Variants in RASGRF2 observed in about 807,000 individuals in gnomAD.
RASGRF2 encodes the protein Ras protein specific guanine nucleotide releasing factor 2.
Under a neutral mutation model 151.0 loss-of-function variants are expected in RASGRF2, and 76 were observed. The observed-to-expected ratio is 0.50, with a 90% CI of 0.42 to 0.61. RASGRF2 has a LOEUF of 0.61. Ranked by LOEUF, RASGRF2 falls within the 20% of genes least tolerant of loss-of-function variation. The pLI is 0.00. For missense variants in RASGRF2, 1,148 were observed against 1,564.6 expected, an observed-to-expected ratio of 0.73 and a Z score of 4.49; for synonymous variants, 504 against 566.5, an observed-to-expected ratio of 0.89 and a Z score of 1.57.
chr5:81,106,023 G>A (rs1452642435), intron 12 of RASGRF2, among the ~76,000 whole-genome samples: 2 of 152,202 alleles, frequency 1.3e-5, no homozygotes, highest in Non-Finnish European at 2.9e-5. Context: ...CAGCCATTTA[G>A]TAAAATCCCA....
chr5:81,115,393 T>C (rs886600445), intron 15 of RASGRF2, among the ~76,000 whole-genome samples: 4 of 152,152 alleles, frequency 2.6e-5, no homozygotes, highest in Admixed American at 6.5e-5. Context: ...TCAGGAATAA[T>C]GAGGCAGCGC....
chr5:81,057,746 G>A (rs1341169045), intron 2 of RASGRF2, among the ~76,000 whole-genome samples: 1 of 151,988 alleles, frequency 6.6e-6, no homozygotes, highest in African/African-American at 2.4e-5. Context: ...TATAATCCAA[G>A]CACTTTGGGA....
chr5:81,061,904 G>C (rs1256367909), intron 2 of RASGRF2, among the ~76,000 whole-genome samples: 1 of 148,278 alleles, frequency 6.7e-6, no homozygotes, highest in Non-Finnish European at 1.5e-5. Flanking sequence ...GCCCAGGCTG[G>C]TCTCAAACTC....
chr5:81,086,826 G>C lies in RASGRF2; in HGVS notation c.1272-9G>C. The C allele has an allele frequency of 6.3e-7, 1 of 1,588,550 alleles. No homozygotes were observed. On this transcript the variant is annotated splice_polypyrimidine_tract_variant and intron_variant, in intron 8 of 26. Transcript: ENST00000265080. The stretch of plus-strand genomic sequence containing the variant: ...CTCTTACTGTGATCCTGTCTGTGTT[G>C]TGTCACAGAGTAATGCACGATGAAG...
At chr5:81,035,908 A>G (rs1031921896) in intron 1 of RASGRF2, among the ~76,000 whole-genome samples, 1 of 152,212 alleles carries the variant, frequency 6.6e-6, no homozygotes, top group Non-Finnish European at 1.5e-5. Context: ...TCAAGAAGCT[A>G]GAACCGCAGA....
chr5:81,007,328 A>G (rs996496816), intron 1 of RASGRF2, among the ~76,000 whole-genome samples: 2 of 151,942 alleles, frequency 1.3e-5, no homozygotes, highest in African/African-American at 2.4e-5. Flanking sequence ...CTTTTTGCCT[A>G]CTTTCTGGTT....
intron 3 of RASGRF2, among the ~76,000 whole-genome samples, chr5:81,068,638 A>G (rs1198090746): frequency 2.0e-5 from 3 of 152,154 alleles, no homozygotes; most frequent in African/African-American, 7.2e-5. Context: ...ACAGTTTTGA[A>G]AAGAACATTT....
chr5:81,224,709 G>A (rs1279423086), intron 26 of RASGRF2, among the ~76,000 whole-genome samples: 1 of 152,222 alleles, frequency 6.6e-6, no homozygotes, highest in African/African-American at 2.4e-5. Flanking sequence ...AGCCATGAGA[G>A]GGAGCAGACT....
chr5:81,058,090 A>C (rs1751288412), intron 2 of RASGRF2, among the ~76,000 whole-genome samples: 1 of 152,120 alleles, frequency 6.6e-6, no homozygotes, highest in South Asian at 2.1e-4. Flanking sequence ...TATAAATATT[A>C]CACACTAATA....
chr5:81,069,225 G>T (rs1468957501), intron 3 of RASGRF2, among the ~76,000 whole-genome samples: 4 of 152,208 alleles, frequency 2.6e-5, no homozygotes, highest in Non-Finnish European at 5.9e-5. Flanking sequence ...GAGAGTATGG[G>T]TACAAGCGTC....
intron 12 of RASGRF2, among the ~76,000 whole-genome samples, chr5:81,106,166 G>GA (rs1752840167): frequency 6.6e-6 from 1 of 152,084 alleles, no homozygotes; most frequent in Non-Finnish European, 1.5e-5. Context: ...ATTTGCATCA[G>GA]AAAATTTAAA....
rs1359184459 is a variant in RASGRF2, at chr5:80,973,690, T to G, written c.288+12664T>G. On this transcript the variant is annotated intron_variant, in intron 1 of 26. Coordinates refer to ENST00000265080, the MANE Select transcript of RASGRF2 (RefSeq NM_006909.3). Reference sequence around the variant, plus strand: ...TTTTCAAAACAGGTCTCTATGATACTCCATAATCACCTCGCTCCCATTTTG... The same window carrying G: ...TTTTCAAAACAGGTCTCTATGATACGCCATAATCACCTCGCTCCCATTTTG... Among the ~76,000 whole-genome samples, 5 of 152,182 alleles carry G rather than the reference T, an allele frequency of 3.3e-5. No individual in the cohort carries two copies. In the South Asian group the frequency reaches 1.0e-3, roughly 31 times the overall value.
intron 23 of RASGRF2, among the ~76,000 whole-genome samples, chr5:81,213,876 C>A (rs1033606445): frequency 4.6e-5 from 7 of 152,090 alleles, no homozygotes; most frequent in African/African-American, 1.7e-4. Context: ...AACAAAAAAA[C>A]AAACTTTTGT....
At chr5:81,016,649 G>C (rs777687400) in intron 1 of RASGRF2, among the ~76,000 whole-genome samples, 13 of 151,894 alleles carry the variant, frequency 8.6e-5, no homozygotes, top group Admixed American at 3.3e-4. Flanking sequence ...GTATTTAATA[G>C]AATAATATAT....
chr5:81,008,043 G>C (rs571973877), intron 1 of RASGRF2, among the ~76,000 whole-genome samples: 21 of 151,054 alleles, frequency 1.4e-4, no homozygotes, highest in Non-Finnish European at 2.9e-4. Flanking sequence ...AAATTGCACT[G>C]TCTCGTCTGA....
chr5:81,088,240 T>C (rs1208682087), intron 9 of RASGRF2: 14 of 152,306 alleles, frequency 9.2e-5, no homozygotes, highest in Admixed American at 9.2e-4. Flanking sequence ...GGAATGTCCT[T>C]ATCCATTTCT....
intron 1 of RASGRF2, among the ~76,000 whole-genome samples, chr5:81,013,487 A>G (rs1268123695): frequency 6.6e-6 from 1 of 152,098 alleles, no homozygotes; most frequent in Non-Finnish European, 1.5e-5. Flanking sequence ...CCTCATGCGA[A>G]AAGCTATATA....
intron 1 of RASGRF2, among the ~76,000 whole-genome samples, chr5:81,041,998 T>C (rs755348293): frequency 3.3e-5 from 5 of 152,338 alleles, no homozygotes; most frequent in Non-Finnish European, 7.3e-5. Flanking sequence ...TGCTCCATGT[T>C]ATTGTTTTTA....
At chr5:81,046,451 A>T (rs1013958138) in intron 2 of RASGRF2, among the ~76,000 whole-genome samples, 10 of 152,106 alleles carry the variant, frequency 6.6e-5, no homozygotes, top group African/African-American at 2.4e-4. Flanking sequence ...CAAGAAGCTC[A>T]TTTTAATGTT....
Sources: gnomAD v4.1 joint callset for allele counts (sites outside exome capture counted in the v4.1 genomes callset) on GRCh38, gnomAD v4.1.1 for gene constraint, MANE v1.5 for transcripts, NCBI Gene and HGNC (gene_info 2026-07-23, HGNC 2026-07-21) for gene names.